The following PRKAR2B variants were observed in gnomAD, a reference collection of about 807,000 sequenced individuals.
PRKAR2B encodes the protein cAMP-dependent protein kinase type II-beta regulatory subunit.
PRKAR2B carries 14 observed loss-of-function variants against 49.9 expected under a neutral mutation model. That is an observed-to-expected ratio of 0.28 (90% CI 0.19 to 0.44). PRKAR2B has a LOEUF of 0.44. Ranked by LOEUF, PRKAR2B falls within the 20% of genes least tolerant of loss-of-function variation. PRKAR2B has a pLI of 1.00. For synonymous variants in PRKAR2B, 196 were observed against 197.7 expected, an observed-to-expected ratio of 0.99 and a Z score of 0.07; for missense variants, 393 against 537.9, an observed-to-expected ratio of 0.73 and a Z score of 2.67.
At chr7:107,151,416 TCTC>T (rs1161176408) in intron 7 of PRKAR2B, among the ~76,000 whole-genome samples, 1 of 152,200 alleles carries the variant, frequency 6.6e-6, no homozygotes, top group Admixed American at 6.5e-5. Context: ...CCTCTTTTCT[TCTC>T]CTCTTAAAAC....
At chr7:107,124,828 T>C (rs986598289) in intron 3 of PRKAR2B, among the ~76,000 whole-genome samples, 2 of 152,170 alleles carry the variant, frequency 1.3e-5, no homozygotes, top group Non-Finnish European at 2.9e-5. Context: ...AGAGCAGAAG[T>C]TGGCAAACTT....
At position 107,159,451 on chromosome 7, in the gene PRKAR2B, A is replaced by C; in HGVS notation, c.1126A>C (p.Met376Leu). 6.2e-7 allele frequency: 1 copy of C among 1,613,600 alleles called. No homozygotes were observed. The highest frequency in any genetic ancestry group is 1.1e-5 in the South Asian group (1 of 90,840). ...AAAAAAATCTTCTCTTTTCTCAGCAATGGATGTGCAAGCATTTGAAAGGCT... is the reference window on the plus strand; with the variant it reads ...AAAAAAATCTTCTCTTTTCTCAGCACTGGATGTGCAAGCATTTGAAAGGCT... ...HAIGTVKCLA[M>L]DVQAFERLLG... Residue 376 changes from methionine (M) to leucine (L), a missense_variant and splice_region_variant, in exon 11 of 11, where the codon ATG (methionine) becomes CTG (leucine). Around this residue, in one of 2 missense-constraint regions of PRKAR2B, gnomAD observed 233 missense variants for 390.4 expected, o/e 0.60. Transcript: ENST00000265717.
rs746236935 is a variant in PRKAR2B at position 107,128,328 on chromosome 7, G to GT, written c.480+39dup. The GT allele has an allele frequency of 3.4e-5, 52 of 1,508,452 alleles. No individual in the cohort carries two copies. In the East Asian group the frequency reaches 6.3e-4, roughly 18 times the overall value. The allele number at this position is 1,508,452 out of a possible 1,614,324, so 93.4% of individuals were successfully genotyped here. ...AAATCTTAATAATAGAAATGGCTTTGTTTTTTCCCCCAGTGACAGTGTCAA... is the reference window on the plus strand; with the variant it reads ...AAATCTTAATAATAGAAATGGCTTTGTTTTTTTCCCCCAGTGACAGTGTCAA... On this transcript the variant is annotated intron_variant, in intron 4 of 10. Coordinates refer to ENST00000265717, the MANE Select transcript of PRKAR2B (RefSeq NM_002736.3).
intron 2 of PRKAR2B, among the ~76,000 whole-genome samples, chr7:107,098,485 T>A (rs954167792): frequency 6.6e-6 from 1 of 152,110 alleles, no homozygotes; most frequent in African/African-American, 2.4e-5. Flanking sequence ...AAGTTTGTTA[T>A]TACTGATTGT....
intron 2 of PRKAR2B, among the ~76,000 whole-genome samples, chr7:107,114,920 T>A (rs749119825): frequency 6.6e-6 from 1 of 152,128 alleles, no homozygotes; most frequent in African/African-American, 2.4e-5. Flanking sequence ...ATTTGGAGTT[T>A]TATTCTAAAT....
chr7:107,097,841 A>G (rs552656857), intron 2 of PRKAR2B, among the ~76,000 whole-genome samples: 5 of 152,178 alleles, frequency 3.3e-5, no homozygotes, highest in Non-Finnish European at 5.9e-5. Flanking sequence ...ATTGGCCCCC[A>G]TTCTCTTCTG....
At chr7:107,146,529 T>A in intron 6 of PRKAR2B, 68 bp downstream of exon 6, 1 of 1,496,396 alleles carries the variant, frequency 6.7e-7, no homozygotes, top group African/African-American at 1.4e-5. Context: ...TGTTACAAAT[T>A]GCCGCATGTA....
At chr7:107,069,951 T>C (rs1794230797) in intron 1 of PRKAR2B, 1 of 174,894 alleles carries the variant, frequency 5.7e-6, no homozygotes. Flanking sequence ...AAGTCTTTTA[T>C]AGTACTTGAT....
intron 10 of PRKAR2B, 44 bp downstream of exon 10, chr7:107,157,368 T>C (rs372140642): frequency 2.4e-5 from 38 of 1,576,908 alleles, no homozygotes; most frequent in East Asian, 1.6e-4. Context: ...GTTGAACTTA[T>C]GTCTGCATTT....
intron 2 of PRKAR2B, among the ~76,000 whole-genome samples, chr7:107,078,565 T>C (rs150347697): frequency 6.6e-5 from 10 of 152,312 alleles, no homozygotes; most frequent in South Asian, 2.1e-4. Flanking sequence ...ATAAAATGGG[T>C]TCTTCCCTGT....
intron 2 of PRKAR2B, among the ~76,000 whole-genome samples, chr7:107,113,977 C>T (rs1291375011): frequency 1.3e-5 from 2 of 152,116 alleles, no homozygotes; most frequent in Non-Finnish European, 2.9e-5. Flanking sequence ...CTCTTAGAAA[C>T]GTTCTTTGTT....
intron 6 of PRKAR2B, among the ~76,000 whole-genome samples, chr7:107,147,047 C>A (rs1489093722): frequency 6.7e-6 from 1 of 150,268 alleles, no homozygotes; most frequent in Non-Finnish European, 1.5e-5. Flanking sequence ...TGGCTGTGCT[C>A]ATGTGCCCCA....
At chr7:107,149,874 C>T (rs1795951526) in intron 6 of PRKAR2B, among the ~76,000 whole-genome samples, 1 of 152,004 alleles carries the variant, frequency 6.6e-6, no homozygotes, top group Non-Finnish European at 1.5e-5. Context: ...TTTTGTAACT[C>T]AAAGGATAGA....
At chr7:107,093,328 C>T (rs945213724) in intron 2 of PRKAR2B, among the ~76,000 whole-genome samples, 1 of 152,104 alleles carries the variant, frequency 6.6e-6, no homozygotes, top group Non-Finnish European at 1.5e-5. Context: ...ATTTTACATT[C>T]CCACTAACAG....
intron 6 of PRKAR2B, among the ~76,000 whole-genome samples, chr7:107,147,610 G>T (rs544322703): frequency 2.0e-5 from 3 of 152,226 alleles, no homozygotes; most frequent in African/African-American, 7.2e-5. Context: ...AGTGGTTCTG[G>T]GGTGAGGCCC....
At chr7:107,140,285 T>G (rs1795768664) in intron 4 of PRKAR2B, among the ~76,000 whole-genome samples, 1 of 152,216 alleles carries the variant, frequency 6.6e-6, no homozygotes, top group Admixed American at 6.5e-5. Context: ...GAAGCCAACC[T>G]TAATGACAGT....
At chr7:107,066,385 C>T (rs1029253762) in intron 1 of PRKAR2B, among the ~76,000 whole-genome samples, 5 of 150,982 alleles carry the variant, frequency 3.3e-5, no homozygotes, top group African/African-American at 9.8e-5. Context: ...AACCAAAAGT[C>T]TGAGAAAATT....
chr7:107,087,872 C>G (rs1003666688), intron 2 of PRKAR2B, among the ~76,000 whole-genome samples: 1 of 151,340 alleles, frequency 6.6e-6, no homozygotes, highest in African/African-American at 2.4e-5. Flanking sequence ...CCCTAACATC[C>G]CACATATGAT....
chr7:107,050,682 A>T (rs1308479262), intron 1 of PRKAR2B, among the ~76,000 whole-genome samples: 2 of 152,110 alleles, frequency 1.3e-5, no homozygotes, highest in Non-Finnish European at 2.9e-5. Flanking sequence ...AGTGAAGAAG[A>T]CTGAAGTGAC....
Sources: allele counts gnomAD v4.1 joint callset (sites outside exome capture counted in the v4.1 genomes callset), GRCh38; gene constraint gnomAD v4.1.1; regional missense constraint gnomAD v4.1.1; transcripts MANE v1.5; gene names NCBI Gene and HGNC (gene_info 2026-07-23, HGNC 2026-07-21).